PCDH15: variants seen among roughly 807,000 people sequenced by gnomAD.
PCDH15 encodes protocadherin-15.
PCDH15 carries 129 observed loss-of-function variants against 178.5 expected under a neutral mutation model. The ratio of observed to expected loss-of-function variants is 0.72; its 90% CI spans 0.63 to 0.84. PCDH15 has a LOEUF of 0.84. Ranked by LOEUF, PCDH15 falls within the 40% of genes least tolerant of loss-of-function variation. The pLI, the probability that PCDH15 is intolerant of heterozygous loss-of-function variation, is 0.00. For synonymous variants in PCDH15, 800 were observed against 732.0 expected, an observed-to-expected ratio of 1.09 and a Z score of -1.50; for missense variants, 2,230 against 2,099.9, an observed-to-expected ratio of 1.06 and a Z score of -1.21.
intron 32 of PCDH15, chr10:53,823,300 T>C (rs1486148437): frequency 1.2e-6 from 2 of 1,614,032 alleles, no homozygotes; most frequent in South Asian, 1.1e-5. Context: ...TGATGTTTCC[T>C]GTCTTCTGAG....
rs372276735 is a variant in PCDH15 at position 54,594,738 on chromosome 10, G to T, written c.92-66861C>A. ...CATGTGTACACATGTACCATGCCAT[G>T]CCATGCCACTATTGCTGGCTTGAGT... On this transcript the variant is annotated intron_variant, in intron 2 of 37. Coordinates refer to ENST00000644397, the MANE Select transcript of PCDH15 (RefSeq NM_001384140.1). Among the ~76,000 whole-genome samples, 13 of 152,232 alleles carry T rather than the reference G, an allele frequency of 8.5e-5. No homozygotes were observed. In the South Asian group the frequency reaches 1.5e-3, roughly 17 times the overall value.
At chr10:55,114,112 C>A (rs1173233220) in intron 2 of PCDH15, among the ~76,000 whole-genome samples, 2 of 152,164 alleles carry the variant, frequency 1.3e-5, no homozygotes, top group East Asian at 1.9e-4. Context: ...CCACGCCCGG[C>A]TAATTTCTTT....
At chr10:54,528,485 T>C (rs149526062) in intron 2 of PCDH15, 22 of 1,053,556 alleles carry the variant, frequency 2.1e-5, no homozygotes, top group Non-Finnish European at 2.9e-5. Flanking sequence ...TATGTATATA[T>C]TTAGTGAGAG....
chr10:54,536,238 G>A (rs76761025), intron 2 of PCDH15, among the ~76,000 whole-genome samples: 6 of 152,282 alleles, frequency 3.9e-5, no homozygotes, highest in Admixed American at 3.3e-4. Context: ...TAGCTCAGTT[G>A]CATTATTTGT....
chr10:54,493,109 G>T (rs777052315), intron 3 of PCDH15, among the ~76,000 whole-genome samples: 10 of 152,080 alleles, frequency 6.6e-5, no homozygotes, highest in Non-Finnish European at 1.2e-4. Flanking sequence ...ACCTCCCACT[G>T]GGTCCCTCCC....
At chr10:54,864,844 T>A (rs1953907850) in intron 3 of PCDH15, 1 of 152,218 alleles carries the variant, frequency 6.6e-6, no homozygotes, top group Admixed American at 6.5e-5. Context: ...GCCACGGTTC[T>A]TTTATAAACA....
At chr10:54,788,080 A>G in intron 1 of PCDH15, among the ~76,000 whole-genome samples, 1 of 151,988 alleles carries the variant, frequency 6.6e-6, no homozygotes, top group South Asian at 2.1e-4. Flanking sequence ...TCAGGTGAAA[A>G]ATAATGAGAA....
intron 3 of PCDH15, among the ~76,000 whole-genome samples, chr10:54,891,397 T>G (rs992842670): frequency 1.1e-4 from 17 of 152,116 alleles, no homozygotes; most frequent in African/African-American, 4.1e-4. Flanking sequence ...AACATAGGAT[T>G]CAGATCTAGC....
intron 2 of PCDH15, among the ~76,000 whole-genome samples, chr10:55,532,147 C>A (rs2132064678): frequency 6.6e-6 from 1 of 151,952 alleles, no homozygotes; most frequent in African/African-American, 2.4e-5. Flanking sequence ...ATCAATAAAG[C>A]AAATACTACA....
intron 25 of PCDH15, among the ~76,000 whole-genome samples, chr10:53,929,240 A>C (rs2084831302): frequency 6.6e-6 from 1 of 152,104 alleles, no homozygotes; most frequent in Non-Finnish European, 1.5e-5. Flanking sequence ...AAGGAAACCT[A>C]TTGTGCACAA....
At chr10:54,928,953 AG>A (rs1388061693) in intron 2 of PCDH15, among the ~76,000 whole-genome samples, 1 of 152,210 alleles carries the variant, frequency 6.6e-6, no homozygotes, top group Non-Finnish European at 1.5e-5. Context: ...AGCTCACTTC[AG>A]AATCCTTGAT....
At chr10:54,203,245 AT>A (rs752110681) in intron 10 of PCDH15, among the ~76,000 whole-genome samples, 2 of 152,186 alleles carry the variant, frequency 1.3e-5, no homozygotes, top group Non-Finnish European at 2.9e-5. Context: ...ATTACCAAAG[AT>A]TGCTCGTGTG....
intron 1 of PCDH15, among the ~76,000 whole-genome samples, chr10:54,745,614 C>T (rs2384528): frequency 0.95 from 145,343 of 152,246 alleles, 69,611 homozygotes; most frequent in East Asian, 1. Flanking sequence ...ATGCTGTTGG[C>T]TCATGGGATT....
At chr10:55,030,382 G>A (rs1025727217) in intron 2 of PCDH15, among the ~76,000 whole-genome samples, 6 of 152,126 alleles carry the variant, frequency 3.9e-5, no homozygotes, top group African/African-American at 1.4e-4. Context: ...CTACAGTGGT[G>A]AAGTTGAGGG....
rs144955982 is a variant in PCDH15, at chr10:55,185,320, A to G, written c.-155-18669T>C. Among the ~76,000 whole-genome samples, 843 of 151,912 alleles carry G rather than the reference A, an allele frequency of 5.5e-3. 8 individuals are homozygous for G. The highest frequency in any genetic ancestry group is 0.019 in the African/African-American group (772 of 41,532). ...GTTAGAAATATTTGAGGCTTTAATGACCTAGTTTGTAAATGATGTTGCATG... is the reference window on the plus strand; with the variant it reads ...GTTAGAAATATTTGAGGCTTTAATGGCCTAGTTTGTAAATGATGTTGCATG... On this transcript the variant is annotated intron_variant, in intron 1 of 5. Transcript: ENST00000458638.
chr10:54,999,873 G>A (rs377674425), intron 2 of PCDH15, among the ~76,000 whole-genome samples: 16 of 152,296 alleles, frequency 1.1e-4, no homozygotes, highest in East Asian at 5.8e-4. Context: ...GGCAGGTTCC[G>A]TGTTGCCCCC....
intron 1 of PCDH15, among the ~76,000 whole-genome samples, chr10:55,230,955 C>T (rs549265252): frequency 6.6e-6 from 1 of 152,000 alleles, no homozygotes; most frequent in South Asian, 2.1e-4. Flanking sequence ...AAGATAATTG[C>T]CTTTTCCTAA....
chr10:54,176,567 A>G (rs2047463348), intron 13 of PCDH15, among the ~76,000 whole-genome samples: 1 of 152,184 alleles, frequency 6.6e-6, no homozygotes, highest in South Asian at 2.1e-4. Context: ...ACATGAAGGG[A>G]TGTAGCAGGA....
chr10:54,726,684 C>A (rs1942583149), intron 1 of PCDH15, among the ~76,000 whole-genome samples: 1 of 151,166 alleles, frequency 6.6e-6, no homozygotes, highest in African/African-American at 2.4e-5. Flanking sequence ...AGCTGAAAGA[C>A]AAAATATTCA....
Sources: allele counts gnomAD v4.1 joint callset (sites outside exome capture counted in the v4.1 genomes callset), GRCh38; gene constraint gnomAD v4.1.1; transcripts MANE v1.5; gene names NCBI Gene and HGNC (gene_info 2026-07-23, HGNC 2026-07-21).